Variants in IQSEC1 observed in about 807,000 individuals in gnomAD.
IQSEC1 encodes the protein IQ motif and Sec7 domain ArfGEF 1.
IQSEC1 carries 31 observed loss-of-function variants against 91.0 expected under a neutral mutation model. That is an observed-to-expected ratio of 0.34 (90% CI 0.26 to 0.46). The LOEUF is 0.46. Ranked by LOEUF, IQSEC1 falls within the 20% of genes least tolerant of loss-of-function variation. The probability of loss-of-function intolerance (pLI) is 1.00; values close to 1 mark genes in which losing one functional copy is unlikely to be tolerated. For missense variants in IQSEC1, 1,388 were observed against 1,575.6 expected (o/e 0.88, Z 2.02); for synonymous variants, 699 against 662.6 (o/e 1.05, Z -0.84).
At chr3:13,108,481 C>T (rs1330251278) in intron 2 of IQSEC1, among the ~76,000 whole-genome samples, 1 of 152,020 alleles carries the variant, frequency 6.6e-6, no homozygotes, top group Non-Finnish European at 1.5e-5. Context: ...TTTGTATCTC[C>T]ACCAGCGGCA....
chr3:13,086,590 C>T (rs765223189), intron 2 of IQSEC1, among the ~76,000 whole-genome samples: 2 of 152,204 alleles, frequency 1.3e-5, no homozygotes, highest in Non-Finnish European at 2.9e-5. Context: ...CTTCCCACTG[C>T]ACTCAGAACC....
intron 12 of IQSEC1, among the ~76,000 whole-genome samples, chr3:12,904,231 G>A (rs969021489): frequency 7.9e-5 from 12 of 152,212 alleles, no homozygotes; most frequent in Admixed American, 5.2e-4. Flanking sequence ...CACAGACTCA[G>A]GGGAGTCCAG....
At position 12,901,270 on chromosome 3, in the gene IQSEC1, G is replaced by A; in HGVS notation, c.3058C>T (p.Pro1020Ser). 1.3e-6 allele frequency: 2 copies of A among 1,548,638 alleles called. No homozygotes were observed. The highest frequency in any genetic ancestry group is 1.7e-6 in the Non-Finnish European group (2 of 1,146,644). ...TGATGCCCGTGCATGGCGGCCTGCG[G>A]CAGCCCCTCTGGGGGCCCCAGGTGG... ...GHHLGPPEGL[P>S]QAAMHGHHTQ... Residue 1020 changes from proline to serine, a missense_variant, in exon 14 of 14, where the codon CCG (proline) becomes TCG (serine). This residue lies in a region of IQSEC1 where 329 missense variants were observed against 257.8 expected (regional missense o/e 1.28). Transcript: ENST00000613206.
intron 1 of IQSEC1, among the ~76,000 whole-genome samples, chr3:13,016,461 A>G (rs907579123): frequency 7.9e-5 from 12 of 152,178 alleles, no homozygotes; most frequent in African/African-American, 2.9e-4. Flanking sequence ...TTTAAAACAG[A>G]AAGCACAGCA....
At chr3:12,902,249 T>G (rs1458299581) in intron 13 of IQSEC1, among the ~76,000 whole-genome samples, 1 of 151,966 alleles carries the variant, frequency 6.6e-6, no homozygotes, top group Non-Finnish European at 1.5e-5. Context: ...AAGACACTCC[T>G]CCTCCCACAA....
At chr3:13,281,649 C>T (rs1396904465) in intron 1 of IQSEC1, among the ~76,000 whole-genome samples, 9 of 152,180 alleles carry the variant, frequency 5.9e-5, no homozygotes. Context: ...CATGACAGTA[C>T]TGGGACTCCT....
intron 13 of IQSEC1, among the ~76,000 whole-genome samples, 172 bp downstream of exon 13, chr3:12,902,601 G>A (rs1199634329): frequency 1.4e-5 from 2 of 147,468 alleles, no homozygotes; most frequent in African/African-American, 5.0e-5. Context: ...CAGGGGCAGG[G>A]AGTGGGTGTC....
At position 12,941,730 on chromosome 3, in the gene IQSEC1, C is replaced by T. The variant is rs763442917; in HGVS notation, c.159G>A (p.Gly53=). ...HYEHTSVGAY[G]LYSGPPGQQQ... The stretch of plus-strand genomic sequence containing the variant: ...GTTGCCCCGGCGGCCCCGAGTACAG[C>T]CCATAGGCTCCCACTGACGTGTGCT... Residue 53 remains glycine, a synonymous_variant, in exon 2 of 14, where the codon GGG becomes GGA. Transcript: ENST00000613206. 9 of 1,612,310 alleles carry T rather than the reference C, an allele frequency of 5.6e-6. No individual in the cohort carries two copies. In the South Asian group the frequency reaches 8.8e-5, roughly 16 times the overall value.
At chr3:13,234,107 G>T (rs9310419) in intron 1 of IQSEC1, among the ~76,000 whole-genome samples, 1 of 152,060 alleles carries the variant, frequency 6.6e-6, no homozygotes, top group Non-Finnish European at 1.5e-5. Context: ...GTCTAATTTC[G>T]TGCTTCAAAA....
chr3:12,943,211 T>G (rs978285653), intron 1 of IQSEC1, among the ~76,000 whole-genome samples: 1 of 152,122 alleles, frequency 6.6e-6, no homozygotes, highest in Non-Finnish European at 1.5e-5. Flanking sequence ...TGAGACCCAG[T>G]GGTCCCCTCC....
At chr3:13,249,785 A>G (rs1371259588) in intron 1 of IQSEC1, among the ~76,000 whole-genome samples, 12 of 152,220 alleles carry the variant, frequency 7.9e-5, no homozygotes, top group Admixed American at 7.9e-4. Context: ...AAGGAAGCAC[A>G]GAGGAGGAGG....
At chr3:13,095,305 T>C (rs559798345) in intron 2 of IQSEC1, among the ~76,000 whole-genome samples, 1 of 152,140 alleles carries the variant, frequency 6.6e-6, no homozygotes, top group Non-Finnish European at 1.5e-5. Context: ...CTGAGGAACC[T>C]GTGAAAAATG....
At chr3:13,047,748 A>T (rs184311991) in intron 1 of IQSEC1, among the ~76,000 whole-genome samples, 100 of 152,250 alleles carry the variant, frequency 6.6e-4, no homozygotes, top group Non-Finnish European at 1.2e-3. Flanking sequence ...TGGCAATGTC[A>T]AGTCCCACTG....
intron 1 of IQSEC1, among the ~76,000 whole-genome samples, chr3:13,064,982 T>C (rs923067019): frequency 6.6e-6 from 1 of 152,224 alleles, no homozygotes; most frequent in Non-Finnish European, 1.5e-5. Context: ...ACGCATAGGC[T>C]TCCTGGAGAT....
chr3:12,961,948 T>A (rs1700263686), intron 1 of IQSEC1, among the ~76,000 whole-genome samples: 3 of 152,218 alleles, frequency 2.0e-5, no homozygotes, highest in African/African-American at 7.2e-5. Flanking sequence ...GAGTTACAGG[T>A]AGTCTGACTA....
At chr3:12,941,534 G>A (rs751213258) in intron 2 of IQSEC1, 37 bp downstream of exon 2, 31 of 1,504,446 alleles carry the variant, frequency 2.1e-5, no homozygotes, top group South Asian at 2.6e-5. Context: ...GCTGCCCTGC[G>A]CTTGCATGTG....
chr3:13,100,930 C>T (rs1466014842), intron 2 of IQSEC1, among the ~76,000 whole-genome samples: 1 of 148,294 alleles, frequency 6.7e-6, no homozygotes, highest in Non-Finnish European at 1.5e-5. Flanking sequence ...AGGGCCTCCC[C>T]GAGAGGCAAT....
intron 2 of IQSEC1, among the ~76,000 whole-genome samples, chr3:12,937,478 G>A (rs550282393): frequency 6.6e-6 from 1 of 152,386 alleles, no homozygotes; most frequent in African/African-American, 2.4e-5. Context: ...GGGTCACTGA[G>A]CTTCAGGGAG....
intron 1 of IQSEC1, among the ~76,000 whole-genome samples, chr3:12,978,473 C>T (rs535108358): frequency 1.8e-4 from 27 of 152,060 alleles, no homozygotes; most frequent in Non-Finnish European, 2.6e-4. Flanking sequence ...CTGAGGCGGG[C>T]GGATCACATG....
Sources: gnomAD v4.1 joint callset for allele counts (sites outside exome capture counted in the v4.1 genomes callset) on GRCh38, gnomAD v4.1.1 for gene constraint, gnomAD v4.1.1 regional missense constraint, MANE v1.5 for transcripts, NCBI Gene and HGNC (gene_info 2026-07-23, HGNC 2026-07-21) for gene names.